GALNT11: variants seen among roughly 807,000 people sequenced by gnomAD.
The protein encoded by GALNT11 is polypeptide N-acetylgalactosaminyltransferase 11, also known as UDP-GalNAc:polypeptide N-acetylgalactosaminyltransferase 11.
Under a neutral mutation model 72.7 loss-of-function variants are expected in GALNT11, and 47 were observed. The observed-to-expected ratio is 0.65, with a 90% confidence interval of 0.51 to 0.82. The LOEUF is 0.82. Ranked by LOEUF, GALNT11 falls within the 40% of genes least tolerant of loss-of-function variation. GALNT11 has a pLI of 0.00. For synonymous variants in GALNT11, 270 were observed against 286.6 expected (o/e 0.94, Z 0.58); for missense variants, 677 against 778.4 (o/e 0.87, Z 1.55).
intron 1 of GALNT11, among the ~76,000 whole-genome samples, chr7:152,037,641 A>G (rs1251918481): frequency 6.6e-6 from 1 of 151,652 alleles, no homozygotes; most frequent in Non-Finnish European, 1.5e-5. Context: ...TCTTTGGTTC[A>G]TTGGTATTTT....
intron 1 of GALNT11, among the ~76,000 whole-genome samples, chr7:152,058,997 ACTT>A (rs1279315476): frequency 6.6e-6 from 1 of 151,938 alleles, no homozygotes; most frequent in African/African-American, 2.4e-5. Context: ...GTTGGAACCA[ACTT>A]CTTCTAAACT....
At chr7:152,057,382 C>T (rs1264745017) in intron 1 of GALNT11, among the ~76,000 whole-genome samples, 2 of 150,664 alleles carry the variant, frequency 1.3e-5, no homozygotes, top group Non-Finnish European at 2.9e-5. Flanking sequence ...TCTCGGTTTA[C>T]TGCAACCTCT....
intron 1 of GALNT11, among the ~76,000 whole-genome samples, chr7:152,073,113 A>T (rs753885487): frequency 7.2e-5 from 11 of 152,218 alleles, no homozygotes; most frequent in Non-Finnish European, 1.2e-4. Context: ...AGTAATTAGC[A>T]TATCCATCAT....
chr7:152,076,423 G>A (rs758056862), intron 1 of GALNT11, among the ~76,000 whole-genome samples: 3 of 151,960 alleles, frequency 2.0e-5, no homozygotes, highest in South Asian at 2.1e-4. Context: ...GAAGTGCGCC[G>A]TCTAGGAAAG....
At chr7:152,048,376 G>T (rs554673146) in intron 1 of GALNT11, among the ~76,000 whole-genome samples, 1 of 152,036 alleles carries the variant, frequency 6.6e-6, no homozygotes, top group East Asian at 1.9e-4. Flanking sequence ...CATTGAAGCA[G>T]TCTTATTTGG....
chr7:152,065,251 T>G (rs892887285), intron 1 of GALNT11, among the ~76,000 whole-genome samples: 6 of 152,248 alleles, frequency 3.9e-5, no homozygotes, highest in African/African-American at 1.4e-4. Flanking sequence ...TAATCAGCTA[T>G]TGAAGCTTGT....
intron 1 of GALNT11, among the ~76,000 whole-genome samples, chr7:152,063,563 A>C (rs1267847530): frequency 6.6e-6 from 1 of 152,104 alleles, no homozygotes; most frequent in Non-Finnish European, 1.5e-5. Context: ...TAGGGTGTCA[A>C]TTTTAGATCT....
At chr7:152,046,377 C>T (rs1282435342) in intron 1 of GALNT11, among the ~76,000 whole-genome samples, 1 of 152,102 alleles carries the variant, frequency 6.6e-6, no homozygotes, top group Non-Finnish European at 1.5e-5. Context: ...TCTGGATGAT[C>T]TGTCCAATGC....
chr7:152,110,244 T>C (rs1248707674), intron 6 of GALNT11, among the ~76,000 whole-genome samples: 4 of 152,164 alleles, frequency 2.6e-5, no homozygotes, highest in African/African-American at 9.7e-5. Flanking sequence ...TCAGAAGGAA[T>C]GACCATATCA....
At chr7:152,066,929 G>A (rs142362394) in intron 1 of GALNT11, among the ~76,000 whole-genome samples, 5 of 152,256 alleles carry the variant, frequency 3.3e-5, no homozygotes, top group East Asian at 1.9e-4. Flanking sequence ...TTCGCAAAAC[G>A]TAACACCGAA....
intron 1 of GALNT11, among the ~76,000 whole-genome samples, chr7:152,059,322 G>A (rs981069489): frequency 4.0e-5 from 6 of 151,164 alleles, no homozygotes; most frequent in Admixed American, 6.6e-5. Context: ...AGCTGGTCTT[G>A]AACTCTAGGC....
rs768708954 is a variant in GALNT11, at chr7:152,099,947, ATTTTTTTTTT to A, written c.296-837_296-828del. Among the ~76,000 whole-genome samples the A allele has an allele frequency of 8.3e-3, 951 of 114,476 alleles. 6 individuals are homozygous for A. The highest frequency in any genetic ancestry group is 0.012 in the Non-Finnish European group (691 of 56,570). The allele number at this position is 114,476 out of a possible 152,430, so 75.1% of individuals were successfully genotyped here. A position where few individuals can be genotyped will look rare whatever the true frequency, so the allele number is the denominator to read the frequency against. On this transcript the variant is annotated intron_variant, in intron 2 of 11. Coordinates refer to ENST00000430044, the MANE Select transcript of GALNT11 (RefSeq NM_022087.4). Reference sequence around the variant, plus strand: ...GCCACTGAGCCACCACACCTGGCTAATTTTTTTTTTTTTTTTTTTTTTTGTAGTAGAGACA... The same window carrying A: ...GCCACTGAGCCACCACACCTGGCTAATTTTTTTTTTTTTGTAGTAGAGACA...
rs144280415 is a variant in GALNT11, at chr7:152,040,034, T to G, written c.-39+14150T>G. On this transcript the variant is annotated intron_variant, in intron 1 of 11. Transcript: ENST00000430044. ...GCCGTTTCAGGGAGAGATTCATTCT[T>G]TCCACTATGGCTTGTCCTTGAGAAT... Among the ~76,000 whole-genome samples the G allele has an allele frequency of 7.9e-4, 120 of 152,174 alleles. 1 individual carries two copies. The highest frequency in any genetic ancestry group is 2.7e-3 in the African/African-American group (114 of 41,538).
rs186728782 is a variant in GALNT11, at chr7:152,118,687, C to T, written c.1462C>T (p.Leu488Phe). The T allele has an allele frequency of 1.2e-6, 2 of 1,610,214 alleles. No individual in the cohort carries two copies. The highest frequency in any genetic ancestry group is 2.2e-5 in the East Asian group (1 of 44,558). Residue 488 changes from leucine to phenylalanine, a missense_variant, in exon 10 of 12, where the codon CTC (leucine) becomes TTC (phenylalanine). Leu to Phe is a conservative substitution (Grantham distance 22). Coordinates refer to ENST00000430044, the MANE Select transcript of GALNT11 (RefSeq NM_022087.4). Reference sequence around the variant, plus strand: ...GTGCCTTCTCTTACAGCTCTATCACCTCCAGACCAACAAATGCCTGGTGGC... The same window carrying T: ...GTGCCTTCTCTTACAGCTCTATCACTTCCAGACCAACAAATGCCTGGTGGC... ...KVLQRGRLYH[L>F]QTNKCLVAQG...
At chr7:152,074,419 A>G in intron 1 of GALNT11, 1 of 152,170 alleles carries the variant, frequency 6.6e-6, no homozygotes, top group East Asian at 1.9e-4. Flanking sequence ...TATTCTTGGC[A>G]TCTTTGTCAA....
intron 1 of GALNT11, among the ~76,000 whole-genome samples, chr7:152,033,813 G>T (rs2082424550): frequency 2.0e-5 from 3 of 152,322 alleles, no homozygotes; most frequent in African/African-American, 7.2e-5. Flanking sequence ...TAGGGAATTT[G>T]TCCCTTTCTT....
At chr7:152,063,631 A>G (rs1429813387) in intron 1 of GALNT11, among the ~76,000 whole-genome samples, 1 of 152,156 alleles carries the variant, frequency 6.6e-6, no homozygotes, top group Non-Finnish European at 1.5e-5. Flanking sequence ...CCACTGCTTT[A>G]AATGTGTCCC....
At chr7:152,108,955 G>A (rs1283860912) in intron 6 of GALNT11, among the ~76,000 whole-genome samples, 2 of 152,094 alleles carry the variant, frequency 1.3e-5, no homozygotes, top group Non-Finnish European at 2.9e-5. Context: ...GAAGGTTCAC[G>A]TTTCAGTTAT....
chr7:152,100,326 G>A lies in GALNT11; in HGVS notation c.296-472G>A, dbSNP rs534193063. On this transcript the variant is annotated intron_variant, in intron 2 of 11. Transcript: ENST00000430044. ...CTCACGCCTGTAATCCCAGCACTTT[G>A]GGAGGCCGAGGTGGGCAGATCACGA... 7.2e-5 allele frequency among the ~76,000 whole-genome samples: 11 copies of A among 152,170 alleles called. No individual in the cohort carries two copies. The East Asian group carries it at 1.9e-3, about 27-fold the overall frequency.
Sources: gnomAD v4.1 joint callset for allele counts (sites outside exome capture counted in the v4.1 genomes callset) on GRCh38, gnomAD v4.1.1 for gene constraint, MANE v1.5 for transcripts, NCBI Gene and HGNC (gene_info 2026-07-23, HGNC 2026-07-21) for gene names.